MRPS28: variants seen among roughly 807,000 people sequenced by gnomAD.
The protein encoded by MRPS28 is small ribosomal subunit protein bS1m.
MRPS28 carries 7 observed loss-of-function variants against 10.8 expected under a neutral mutation model. The ratio of observed to expected loss-of-function variants is 0.65; its 90% CI spans 0.37 to 1.22. The LOEUF is 1.22. MRPS28 is among the 50% of genes most tolerant of loss of function. The pLI is 0.02. For missense variants in MRPS28, 265 were observed against 232.9 expected (o/e 1.14, Z -0.90); for synonymous variants, 121 against 93.3 (o/e 1.30, Z -1.71).
intron 2 of MRPS28, among the ~76,000 whole-genome samples, chr8:79,985,418 C>G (rs970036383): frequency 5.3e-5 from 8 of 152,052 alleles, no homozygotes; most frequent in Non-Finnish European, 8.8e-5. Flanking sequence ...CAAGAAATAA[C>G]TAAAATCAGA....
intron 2 of MRPS28, among the ~76,000 whole-genome samples, chr8:79,969,192 T>C (rs1364980489): frequency 6.6e-6 from 1 of 152,158 alleles, no homozygotes; most frequent in African/African-American, 2.4e-5. Flanking sequence ...AAAAAAATAA[T>C]AATTTAACAG....
intron 2 of MRPS28, among the ~76,000 whole-genome samples, chr8:79,993,127 A>T (rs1349386568): frequency 6.6e-6 from 1 of 152,206 alleles, no homozygotes; most frequent in Non-Finnish European, 1.5e-5. Context: ...ATCCACTTGT[A>T]GGTCACTAGA....
chr8:79,991,854 T>C (rs1392680111), intron 2 of MRPS28, among the ~76,000 whole-genome samples: 1 of 151,804 alleles, frequency 6.6e-6, no homozygotes. Flanking sequence ...CAACAGAATA[T>C]GGCAGAAGTG....
chr8:79,997,881 C>A (rs969199142), intron 2 of MRPS28, among the ~76,000 whole-genome samples: 2 of 151,826 alleles, frequency 1.3e-5, no homozygotes, highest in Non-Finnish European at 2.9e-5. Context: ...ACGGCAAAAC[C>A]CTGTCTCCAC....
intron 2 of MRPS28, among the ~76,000 whole-genome samples, chr8:79,987,287 A>C (rs1808215264): frequency 1.3e-5 from 2 of 152,066 alleles, no homozygotes; most frequent in African/African-American, 4.8e-5. Flanking sequence ...AAGATGGATT[A>C]AAGACTTAAA....
intron 2 of MRPS28, among the ~76,000 whole-genome samples, chr8:79,949,047 G>A (rs371736439): frequency 6.6e-6 from 1 of 152,120 alleles, no homozygotes; most frequent in East Asian, 1.9e-4. Context: ...ATTATTCATA[G>A]AGTAAAAAAT....
At chr8:79,919,232 AT>A in intron 2 of MRPS28, 84 bp from the exon 3 acceptor site, 2 of 1,091,972 alleles carry the variant, frequency 1.8e-6, no homozygotes, top group South Asian at 5.9e-5. Flanking sequence ...CCAAATTCCA[AT>A]TTTAATTTGT....
chr8:80,014,810 C>T (rs546996099), intron 1 of MRPS28, among the ~76,000 whole-genome samples: 1 of 152,184 alleles, frequency 6.6e-6, no homozygotes, highest in South Asian at 2.1e-4. Context: ...AAGATGATTT[C>T]CCCCCTGCCA....
intron 2 of MRPS28, among the ~76,000 whole-genome samples, chr8:79,921,111 A>T (rs1477416269): frequency 2.6e-5 from 4 of 151,984 alleles, no homozygotes; most frequent in Admixed American, 6.6e-5. Flanking sequence ...GATATGAGGC[A>T]TTATTTCTGA....
At chr8:79,944,507 C>G (rs1586049738) in intron 2 of MRPS28, among the ~76,000 whole-genome samples, 1 of 152,230 alleles carries the variant, frequency 6.6e-6, no homozygotes, top group East Asian at 1.9e-4. Context: ...TCATGAGACC[C>G]TAATAATGAG....
chr8:79,979,275 C>T (rs2130069483), intron 2 of MRPS28, among the ~76,000 whole-genome samples: 1 of 152,162 alleles, frequency 6.6e-6, no homozygotes, highest in East Asian at 1.9e-4. Context: ...GTGGTGGGAG[C>T]TCAGGCACAG....
Position 79,939,918 on chromosome 8 carries a change from G to C in MRPS28, c.396-20770C>G, listed in dbSNP as rs546236265. ...CCGGGAGGCGGAGCTTGCAGTGAGC[G>C]GAGATCACGCCACTGCACTCCAGCC... On this transcript the variant is annotated intron_variant, in intron 2 of 2. Transcript: ENST00000276585. Among the ~76,000 whole-genome samples the C allele has an allele frequency of 2.6e-5, 4 of 151,438 alleles. No homozygotes were observed. In the South Asian group the frequency reaches 6.3e-4, roughly 24 times the overall value.
chr8:79,988,355 T>C (rs918594314), intron 2 of MRPS28, among the ~76,000 whole-genome samples: 1 of 151,516 alleles, frequency 6.6e-6, no homozygotes, highest in South Asian at 2.1e-4. Context: ...CACACCAGCA[T>C]GGCACGTGTA....
chr8:79,968,810 G>C (rs1357689704), intron 2 of MRPS28, among the ~76,000 whole-genome samples: 3 of 151,918 alleles, frequency 2.0e-5, no homozygotes, highest in African/African-American at 7.3e-5. Flanking sequence ...CTTGATTACA[G>C]AGTTGAAGAG....
At chr8:79,997,357 G>A (rs779878766) in intron 2 of MRPS28, among the ~76,000 whole-genome samples, 21 of 152,204 alleles carry the variant, frequency 1.4e-4, no homozygotes, top group Admixed American at 2.6e-4. Flanking sequence ...GGGCCAAGGC[G>A]TTCTCTCTCA....
chr8:79,969,916 G>A (rs970064303), intron 2 of MRPS28, among the ~76,000 whole-genome samples: 27 of 152,130 alleles, frequency 1.8e-4, no homozygotes, highest in African/African-American at 6.5e-4. Flanking sequence ...ACAGGAGTCA[G>A]CTCTTCTGCA....
chr8:80,004,012 C>T (rs896661130), intron 1 of MRPS28, among the ~76,000 whole-genome samples: 1 of 152,220 alleles, frequency 6.6e-6, no homozygotes, highest in African/African-American at 2.4e-5. Context: ...GTGGAGCCCA[C>T]CAAAGCTCAA....
chr8:79,950,745 T>A (rs1021900068), intron 2 of MRPS28, among the ~76,000 whole-genome samples: 1 of 152,234 alleles, frequency 6.6e-6, no homozygotes, highest in African/African-American at 2.4e-5. Flanking sequence ...ACCTTTAAGA[T>A]GTTGTTGAGG....
chr8:80,007,425 A>C (rs567661479), intron 1 of MRPS28, among the ~76,000 whole-genome samples: 1 of 152,354 alleles, frequency 6.6e-6, no homozygotes, highest in Admixed American at 6.5e-5. Context: ...TAGCCAGGAA[A>C]ATCAGGCAGG....
Sources: gnomAD v4.1 joint callset for allele counts (sites outside exome capture counted in the v4.1 genomes callset) on GRCh38, gnomAD v4.1.1 for gene constraint, MANE v1.5 for transcripts, NCBI Gene and HGNC (gene_info 2026-07-23, HGNC 2026-07-21) for gene names.